The following MXRA5 variants were observed in gnomAD, a reference collection of about 807,000 sequenced individuals.
The protein encoded by MXRA5 is matrix-remodeling-associated protein 5.
A neutral mutation model predicts 112.5 loss-of-function variants in MXRA5; 41 were observed. The observed-to-expected ratio is 0.36, with a 90% CI of 0.28 to 0.47. The LOEUF (loss-of-function observed/expected upper bound fraction) is 0.47. MXRA5 is among the 20% of genes least tolerant of loss of function. The pLI is 0.99. For missense variants in MXRA5, 2,150 were observed against 2,251.0 expected (o/e 0.96, Z 0.91); for synonymous variants, 862 against 900.8 (o/e 0.96, Z 0.77).
At chrX:3,314,628 A>G (rs1456831395) in intron 6 of MXRA5, among the ~76,000 whole-genome samples, 1 of 111,231 alleles carries the variant, frequency 9.0e-6, no homozygotes, top group Non-Finnish European at 1.9e-5. Context: ...AGATAGACCA[A>G]CATTTTCATA....
intron 1 of MXRA5, among the ~76,000 whole-genome samples, chrX:3,345,415 C>T (rs1412096976): frequency 8.8e-6 from 1 of 113,149 alleles, no homozygotes; most frequent in Non-Finnish European, 1.9e-5. Context: ...CCGCCCCTGC[C>T]TGCGCGCCTG....
At position 3,324,201 on chromosome X, in the gene MXRA5, C is replaced by A. The variant is rs772527984; in HGVS notation, c.1484G>T (p.Gly495Val). Residue 495 changes from glycine (G) to valine (V), a missense_variant, in exon 5 of 7, where the codon GGT becomes GTT. Gly to Val is a moderately radical substitution (Grantham distance 109). Coordinates refer to ENST00000217939, the MANE Select transcript of MXRA5 (RefSeq NM_015419.4). ...CACGTTGCAGCTCAACTGGCATGGA[C>A]CCCCTTCCAGGACAGTCTGATCTCT... ...VQRDQTVLEG[G>V]PCQLSCNVKA... is the part of the protein sequence containing the mutation. 12 of 1,209,608 alleles carry A rather than the reference C, an allele frequency of 9.9e-6. No individual in the cohort carries two copies. Among genetic ancestry groups the A allele is most frequent in the Non-Finnish European group, 3.4e-6 (3 of 895,131 alleles).
chrX:3,315,706 T>C (rs1921097681), intron 6 of MXRA5, among the ~76,000 whole-genome samples: 1 of 111,181 alleles, frequency 9.0e-6, no homozygotes, highest in Non-Finnish European at 1.9e-5. Flanking sequence ...GAAGGTGGCT[T>C]GGCTTTCTTC....
At chrX:3,315,402 T>A (rs1921086591) in intron 6 of MXRA5, among the ~76,000 whole-genome samples, 25 of 37,284 alleles carry the variant, frequency 6.7e-4, no homozygotes, top group Admixed American at 1.1e-3. Flanking sequence ...GATAGATAGA[T>A]AGATAGATAG....
chrX:3,329,947 G>A (rs1195506805), intron 4 of MXRA5, 71 bp downstream of exon 4: 7 of 1,096,698 alleles, frequency 6.4e-6, no homozygotes, highest in Non-Finnish European at 8.5e-6. Flanking sequence ...TAAGAACCTT[G>A]GAGAATGGAA....
intron 4 of MXRA5, among the ~76,000 whole-genome samples, chrX:3,327,775 A>T (rs1302200260): frequency 1.8e-5 from 2 of 113,040 alleles, no homozygotes; most frequent in African/African-American, 6.4e-5. Flanking sequence ...CAGCAGTCTA[A>T]CAGAAACTCT....
At position 3,317,933 on chromosome X, in the gene MXRA5, C is replaced by T; in HGVS notation, c.5748G>A (p.Arg1916=). The change falls in exon 6 of 7, where the codon CGG becomes CGA. Residue 1916 remains arginine, a synonymous_variant. Transcript: ENST00000217939. ...GGCCTCGATCTTGTACTTGAACCTTCCGTATCACTAAGGTACCGTTCTTGA... is the reference window on the plus strand; with the variant it reads ...GGCCTCGATCTTGTACTTGAACCTTTCGTATCACTAAGGTACCGTTCTTGA... ...EVLKNGTLVI[R]KVQVQDRGQY... is the part of the protein sequence containing the mutation. 1 of 1,210,753 alleles carries T rather than the reference C, an allele frequency of 8.3e-7. No homozygotes were observed. The highest frequency in any genetic ancestry group is 1.1e-6 in the Non-Finnish European group (1 of 894,862).
chrX:3,310,372 C>A lies in MXRA5; in HGVS notation c.7831G>T (p.Ala2611Ser), dbSNP rs1920974879. 2 of 1,202,991 alleles carry A rather than the reference C, an allele frequency of 1.7e-6. No individual in the cohort carries two copies. Among genetic ancestry groups the A allele is most frequent in the African/African-American group, 1.8e-5 (1 of 56,111 alleles). The change falls in exon 7 of 7, where the codon GCC (alanine) becomes TCC (serine). Residue 2611 changes from alanine (A) to serine (S), a missense_variant. Ala to Ser is a moderately conservative substitution (Grantham distance 99, BLOSUM62 1). Coordinates refer to ENST00000217939, the MANE Select transcript of MXRA5 (RefSeq NM_015419.4). Reference sequence around the variant, plus strand: ...CGGGCCACGCAGCGGTAGGCCCCGGCGTCCACCGAGGAGAGACCGCTAATG... The same window carrying A: ...CGGGCCACGCAGCGGTAGGCCCCGGAGTCCACCGAGGAGAGACCGCTAATG... ...LHISGLSSVD[A>S]GAYRCVARNA...
Position 3,322,664 on chromosome X carries a change from G to C in MXRA5, c.3021C>G (p.Ile1007Met). 1 of 1,209,821 alleles carries C rather than the reference G, an allele frequency of 8.3e-7. No individual in the cohort carries two copies. The highest frequency in any genetic ancestry group is 1.8e-5 in the African/African-American group (1 of 57,101). Residue 1007 changes from isoleucine (I) to methionine (M), a missense_variant, in exon 5 of 7, where the codon ATC becomes ATG. Around this residue, in one of 6 missense-constraint regions of MXRA5, gnomAD observed 1,485 missense variants for 1,471.6 expected, o/e 1.01. Transcript: ENST00000217939. Reference sequence around the variant, plus strand: ...GTGATGTACTGGAGTCATTAACCCAGATGGTGGGGGTTGGAGTAAGGTGTG... The same window carrying C: ...GTGATGTACTGGAGTCATTAACCCACATGGTGGGGGTTGGAGTAAGGTGTG... Reference protein sequence around the residue: ...TFAHLTPTPTIWVNDSSTSQL... With the variant: ...TFAHLTPTPTMWVNDSSTSQL...
chrX:3,315,836 C>G (rs191541673), intron 6 of MXRA5, among the ~76,000 whole-genome samples: 1 of 110,060 alleles, frequency 9.1e-6, no homozygotes, highest in Non-Finnish European at 1.9e-5. Flanking sequence ...AAGCCTAACA[C>G]GTCTATGTAT....
intron 2 of MXRA5, among the ~76,000 whole-genome samples, chrX:3,339,006 T>C (rs1319919568): frequency 9.8e-6 from 1 of 101,808 alleles, no homozygotes; most frequent in Admixed American, 1.1e-4. Flanking sequence ...AGATAGATAT[T>C]GAGAAAAACA....
At chrX:3,337,267 G>A (rs922658501) in intron 2 of MXRA5, among the ~76,000 whole-genome samples, 1 of 111,629 alleles carries the variant, frequency 9.0e-6, no homozygotes, top group African/African-American at 3.3e-5. Context: ...CAGAGTTATT[G>A]GCCATCTTTC....
chrX:3,322,159 G>C lies in MXRA5; in HGVS notation c.3526C>G (p.Pro1176Ala), dbSNP rs373551620. Reference protein sequence around the residue: ...HKQTPPTTFAPSETFSTQPTQ... With the variant: ...HKQTPPTTFAASETFSTQPTQ... ...GGTTGAGTAGAAAAAGTCTCTGATG[G>C]GGCAAAAGTTGTGGGTGGGGTTTGC... Residue 1176 changes from proline (P) to alanine (A), a missense_variant, in exon 5 of 7, where the codon CCA (proline) becomes GCA (alanine). By Grantham distance (27) the Pro-to-Ala change is conservative. Around this residue, in one of 6 missense-constraint regions of MXRA5, gnomAD observed 1,485 missense variants for 1,471.6 expected, o/e 1.01. Coordinates refer to ENST00000217939, the MANE Select transcript of MXRA5 (RefSeq NM_015419.4). 1 of 1,196,390 alleles carries C rather than the reference G, an allele frequency of 8.4e-7. No individual in the cohort carries two copies.
chrX:3,330,122 A>G lies in MXRA5; in HGVS notation c.605T>C (p.Met202Thr), dbSNP rs111910054. 1 of 1,210,006 alleles carries G rather than the reference A, an allele frequency of 8.3e-7. No homozygotes were observed. Among genetic ancestry groups the G allele is most frequent in the East Asian group, 3.0e-5 (1 of 33,804 alleles). ...CTCCAGAAGCGGCATGTTCCGAAGC[A>G]TGCTGGCAGGAAGAGTTCTAACCAT... ...ENMVRTLPAS[M>T]LRNMPLLENL... Residue 202 changes from methionine (M) to threonine (T), a missense_variant, in exon 4 of 7, where the codon ATG becomes ACG. This residue lies in a region of MXRA5 where 386 missense variants were observed against 411.0 expected (regional missense o/e 0.94). Coordinates refer to ENST00000217939, the MANE Select transcript of MXRA5 (RefSeq NM_015419.4).
Position 3,322,125 on chromosome X carries a change from G to A in MXRA5, c.3560C>T (p.Ala1187Val). The A allele has an allele frequency of 8.3e-7, 1 of 1,205,991 alleles. No homozygotes were observed. Among genetic ancestry groups the A allele is most frequent in the African/African-American group, 1.7e-5 (1 of 57,609 alleles). Reference sequence around the variant, plus strand: ...TTGACTTGAAATCTTAATGTCAGGTGCTTGAGTTGGTTGAGTAGAAAAAGT... The same window carrying A: ...TTGACTTGAAATCTTAATGTCAGGTACTTGAGTTGGTTGAGTAGAAAAAGT... ...SETFSTQPTQ[A>V]PDIKISSQVE... is the part of the protein sequence containing the mutation. Residue 1187 changes from alanine (A) to valine (V), a missense_variant, in exon 5 of 7, where the codon GCA becomes GTA. Physicochemically the swap from Ala to Val is moderately conservative, Grantham distance 64. Around this residue, in one of 6 missense-constraint regions of MXRA5, gnomAD observed 1,485 missense variants for 1,471.6 expected, o/e 1.01. Transcript: ENST00000217939.
At chrX:3,312,560 C>CTTTTTTTT (rs773869772) in intron 6 of MXRA5, among the ~76,000 whole-genome samples, 1 of 91,079 alleles carries the variant, frequency 1.1e-5, no homozygotes, top group African/African-American at 4.1e-5. Context: ...ACCACACTTT[C>CTTTTTTTT]TTTTTTTTTT....
chrX:3,311,990 T>C (rs1920996027), intron 6 of MXRA5, among the ~76,000 whole-genome samples: 1 of 112,290 alleles, frequency 8.9e-6, no homozygotes, highest in African/African-American at 3.2e-5. Flanking sequence ...ATGGAGATGG[T>C]GAAGAATCTG....
At chrX:3,342,124 C>T (rs1204585329) in intron 2 of MXRA5, among the ~76,000 whole-genome samples, 2 of 110,495 alleles carry the variant, frequency 1.8e-5, no homozygotes, top group African/African-American at 3.3e-5. Flanking sequence ...TCATCCTCAG[C>T]GAACTAACAA....
rs377706499 is a variant in MXRA5, at chrX:3,309,983, G to C, written c.8220C>G (p.Thr2740=). Residue 2740 remains threonine (T), a synonymous_variant, in exon 7 of 7, where the codon ACC becomes ACG. Coordinates refer to ENST00000217939, the MANE Select transcript of MXRA5 (RefSeq NM_015419.4). ...AYPPRITSEP[T]PVIYTRPGNT... Reference sequence around the variant, plus strand: ...TCCCGGGCCGGGTGTAGATGACCGGGGTGGGCTCGCTGGTGATCCGGGGAG... The same window carrying C: ...TCCCGGGCCGGGTGTAGATGACCGGCGTGGGCTCGCTGGTGATCCGGGGAG... 9.6e-5 allele frequency: 116 copies of C among 1,211,246 alleles called. No individual in the cohort carries two copies. Among genetic ancestry groups the C allele is most frequent in the Non-Finnish European group, 1.3e-4 (112 of 895,293 alleles).
Sources: allele counts gnomAD v4.1 joint callset (sites outside exome capture counted in the v4.1 genomes callset), GRCh38; gene constraint gnomAD v4.1.1; regional missense constraint gnomAD v4.1.1; transcripts MANE v1.5; gene names NCBI Gene and HGNC (gene_info 2026-07-23, HGNC 2026-07-21).